The following PVT1 variants were observed in gnomAD, a reference collection of about 807,000 sequenced individuals.
The protein encoded by PVT1 is CXCR4/PVT1 fusion.
chr8:128,003,844 G>C (rs1315410287), intron 4 of PVT1, among the ~76,000 whole-genome samples: 1 of 152,160 alleles, frequency 6.6e-6, no homozygotes, highest in African/African-American at 2.4e-5. Flanking sequence ...TTGTCTATTT[G>C]GGCTGCTATA....
intron 3 of PVT1, among the ~76,000 whole-genome samples, chr8:127,937,700 C>T (rs1816295800): frequency 6.6e-6 from 1 of 152,018 alleles, no homozygotes; most frequent in African/African-American, 2.4e-5. Context: ...TGCGTAGAGC[C>T]AGCCAGCATA....
chr8:128,082,272 C>G (rs1040757793), intron 5 of PVT1, among the ~76,000 whole-genome samples: 1 of 152,152 alleles, frequency 6.6e-6, no homozygotes, highest in Non-Finnish European at 1.5e-5. Flanking sequence ...GTAACTTGTT[C>G]GGGGTGCTAC....
chr8:128,052,273 C>T lies in PVT1; in HGVS notation n.913-17887C>T, dbSNP rs147656144. 1.3e-3 allele frequency among the ~76,000 whole-genome samples: 196 copies of T among 152,222 alleles called. 2 individuals carry two copies. Among genetic ancestry groups the T allele is most frequent in the African/African-American group, 4.5e-3 (185 of 41,520 alleles). ...TTATTGACTGTGTTCATGTCTGTAG[C>T]ATGCGTCTGTGAAGGCCAACCTGGT... On this transcript the variant is annotated intron_variant and non_coding_transcript_variant, in intron 4 of 10. Transcript: ENST00000651587.
chr8:127,942,892 G>A (rs372320330), intron 3 of PVT1, among the ~76,000 whole-genome samples: 3 of 152,198 alleles, frequency 2.0e-5, no homozygotes, highest in South Asian at 2.1e-4. Context: ...GCTGAGATTT[G>A]TATAAACTGT....
chr8:127,864,963 G>A lies in PVT1; in HGVS notation n.373-25626G>A, dbSNP rs1202365434. On this transcript the variant is annotated intron_variant and non_coding_transcript_variant, in intron 2 of 10. Coordinates refer to ENST00000651587, the Ensembl canonical transcript of PVT1. ...GACAGAGGCCATCTTGTCCTAGAGG[G>A]ACCTGGCTAAGAGGATCTAAGACCA... Among the ~76,000 whole-genome samples the A allele has an allele frequency of 2.6e-5, 4 of 152,202 alleles. No homozygotes were observed. The East Asian group carries it at 7.7e-4, about 29-fold the overall frequency.
intron 2 of PVT1, among the ~76,000 whole-genome samples, chr8:127,825,075 A>G (rs932488059): frequency 7.7e-5 from 11 of 143,004 alleles, no homozygotes; most frequent in Admixed American, 2.3e-4. Flanking sequence ...AGTCGAGATC[A>G]TGCACTGCAC....
At chr8:128,020,893 A>T (rs972552889) in intron 4 of PVT1, among the ~76,000 whole-genome samples, 1 of 152,154 alleles carries the variant, frequency 6.6e-6, no homozygotes, top group African/African-American at 2.4e-5. Flanking sequence ...GCTCACTTTC[A>T]GGTGTCTCAG....
At chr8:127,845,703 A>T (rs28456278) in intron 2 of PVT1, among the ~76,000 whole-genome samples, 1 of 152,308 alleles carries the variant, frequency 6.6e-6, no homozygotes, top group East Asian at 1.9e-4. Context: ...AATACATTAG[A>T]TATGCAGATG....
intron 2 of PVT1, among the ~76,000 whole-genome samples, chr8:127,832,792 A>T (rs1814867768): frequency 6.6e-6 from 1 of 152,048 alleles, no homozygotes; most frequent in Admixed American, 6.6e-5. Flanking sequence ...CGGGAGGCGG[A>T]GCTTGCAGTG....
chr8:128,008,822 G>C (rs1226121766), intron 4 of PVT1: 1 of 449,008 alleles, frequency 2.2e-6, no homozygotes, highest in Non-Finnish European at 5.0e-6. Context: ...CTCCCTGCAG[G>C]TTGGGGCCTG....
chr8:127,821,026 T>C (rs1011261091), intron 2 of PVT1, among the ~76,000 whole-genome samples: 1 of 152,162 alleles, frequency 6.6e-6, no homozygotes, highest in African/African-American at 2.4e-5. Flanking sequence ...CAGTTTCTGA[T>C]ACTTGCAACT....
chr8:127,835,355 C>T (rs1388301347), intron 2 of PVT1, among the ~76,000 whole-genome samples: 1 of 150,400 alleles, frequency 6.6e-6, no homozygotes. Flanking sequence ...AACGAAAAAC[C>T]AAACACAGCA....
intron 5 of PVT1, among the ~76,000 whole-genome samples, chr8:128,077,913 T>A (rs1814111829): frequency 6.6e-6 from 1 of 151,954 alleles, no homozygotes; most frequent in African/African-American, 2.4e-5. Flanking sequence ...TGGTGTGGGG[T>A]TGGTGGATGG....
intron 3 of PVT1, among the ~76,000 whole-genome samples, chr8:127,962,225 A>G (rs1339376905): frequency 6.6e-6 from 1 of 152,212 alleles, no homozygotes; most frequent in South Asian, 2.1e-4. Context: ...TTGGCCTCCC[A>G]AAGTGCTGGG....
intron 5 of PVT1, among the ~76,000 whole-genome samples, chr8:128,088,966 G>A (rs1814313132): frequency 6.6e-6 from 1 of 152,208 alleles, no homozygotes; most frequent in Non-Finnish European, 1.5e-5. Context: ...CAGGAGGCAG[G>A]TGCTGTGCCA....
chr8:127,960,951 G>GGGGGGGGGA (rs1816635089), intron 3 of PVT1, among the ~76,000 whole-genome samples: 1 of 125,378 alleles, frequency 8.0e-6, no homozygotes, highest in Non-Finnish European at 1.7e-5. Flanking sequence ...GGTGGGGGGG[G>GGGGGGGGGA]CGGGCGGGCA....
At position 127,910,936 on chromosome 8, in the gene PVT1, T is replaced by C. The variant is rs145229026; in HGVS notation, n.782+19938T>C. ...GTGAGAGAGAGAGAGAGAGAGATTG[T>C]GCATTGTACGGTGAAGAGCAATAGA... On this transcript the variant is annotated intron_variant and non_coding_transcript_variant, in intron 3 of 10. Coordinates refer to ENST00000651587, the Ensembl canonical transcript of PVT1. Among the ~76,000 whole-genome samples, 69 of 151,868 alleles carry C rather than the reference T, an allele frequency of 4.5e-4. No homozygotes were observed. The East Asian group carries it at 0.013, about 28-fold the overall frequency.
In PVT1 at chr8:127,984,857, CTTTCT is replaced by C. The variant is rs1563657377; in HGVS notation, n.783-4302_783-4298del. Among the ~76,000 whole-genome samples, 92 of 43,186 alleles carry C rather than the reference CTTTCT, an allele frequency of 2.1e-3. 1 individual carries two copies. The highest frequency in any genetic ancestry group is 6.0e-3 in the African/African-American group (90 of 15,016). 28.3% of individuals were successfully genotyped at this position (43,186 alleles called of 152,430 possible). Reference sequence around the variant, plus strand: ...TTTTCTTTTCTTTCTTTCTTTCTTTCTTTCTTTCTTTCTTTCTTTCTTTCTTTCTT... The same window carrying C: ...TTTTCTTTTCTTTCTTTCTTTCTTTCTTCTTTCTTTCTTTCTTTCTTTCTT... On this transcript the variant is annotated intron_variant and non_coding_transcript_variant, in intron 3 of 10. Coordinates refer to ENST00000651587, the Ensembl canonical transcript of PVT1.
intron 2 of PVT1, chr8:127,852,387 G>A (rs1391186261): frequency 2.6e-5 from 4 of 152,260 alleles, no homozygotes; most frequent in Non-Finnish European, 5.9e-5. Context: ...AAACTCTTCT[G>A]GGCAAGTCAT....
Sources: gnomAD v4.1 joint callset for allele counts (sites outside exome capture counted in the v4.1 genomes callset) on GRCh38, gnomAD v4.1.1 for gene constraint, MANE v1.5 for transcripts, NCBI Gene and HGNC (gene_info 2026-07-23, HGNC 2026-07-21) for gene names.